Variants in MTM1 observed in about 807,000 individuals in gnomAD.
The protein encoded by MTM1 is myotubularin 1.
A neutral mutation model predicts 52.1 loss-of-function variants in MTM1; 9 were observed. That is an observed-to-expected ratio of 0.17 (90% CI 0.10 to 0.30). MTM1 has a LOEUF of 0.30. Among genes scored for constraint, MTM1 ranks in the 10% least tolerant of loss-of-function variants. The probability of loss-of-function intolerance (pLI) is 1.00; values close to 1 mark genes in which losing one functional copy is unlikely to be tolerated. For synonymous variants in MTM1, 136 were observed against 163.8 expected, an observed-to-expected ratio of 0.83 and a Z score of 1.29; for missense variants, 277 against 470.7, an observed-to-expected ratio of 0.59 and a Z score of 3.81.
At chrX:150,655,186 G>A (rs909636299) in intron 10 of MTM1, among the ~76,000 whole-genome samples, 1 of 109,248 alleles carries the variant, frequency 9.2e-6, no homozygotes, top group East Asian at 2.9e-4. Flanking sequence ...TTAGCTGGGC[G>A]TGGTGGCGGG....
At chrX:150,668,742 C>G (rs782600387) in intron 14 of MTM1, among the ~76,000 whole-genome samples, 2 of 110,636 alleles carry the variant, frequency 1.8e-5, no homozygotes, top group Non-Finnish European at 3.8e-5. Flanking sequence ...AAACGTAATA[C>G]TAAACCGCAG....
At chrX:150,662,600 A>G (rs1476952884) in intron 13 of MTM1, among the ~76,000 whole-genome samples, 2 of 112,263 alleles carry the variant, frequency 1.8e-5, no homozygotes, top group Non-Finnish European at 3.8e-5. Flanking sequence ...CTGCAATTAC[A>G]GGCGTGAGCC....
Position 150,671,492 on chromosome X carries a change from G to A in MTM1, c.1709G>A (p.Arg570Gln), listed in dbSNP as rs782469735. Residue 570 changes from arginine to glutamine, a missense_variant, in exon 15 of 15, where the codon CGG (arginine) becomes CAG (glutamine). Coordinates refer to ENST00000370396, the MANE Select transcript of MTM1 (RefSeq NM_000252.3). ...GCCTTACGCGACGAATACATAAAGCGGCTTGAGGAACTGCAGCTCGCCAAC... is the reference window on the plus strand; with the variant it reads ...GCCTTACGCGACGAATACATAAAGCAGCTTGAGGAACTGCAGCTCGCCAAC... Reference protein sequence around the residue: ...LLALRDEYIKRLEELQLANSA... With the variant: ...LLALRDEYIKQLEELQLANSA... The A allele has an allele frequency of 9.9e-6, 12 of 1,208,746 alleles. No individual in the cohort carries two copies. Among genetic ancestry groups the A allele is most frequent in the Middle Eastern group, 2.3e-4 (1 of 4,376 alleles).
At chrX:150,632,519 A>C (rs2039687767) in intron 6 of MTM1, among the ~76,000 whole-genome samples, 1 of 111,530 alleles carries the variant, frequency 9.0e-6, no homozygotes, top group Non-Finnish European at 1.9e-5. Flanking sequence ...GGCATGATTA[A>C]ATTTCCATTT....
At position 150,649,891 on chromosome X, in the gene MTM1, A is replaced by G. The variant is rs965242993; in HGVS notation, c.1043A>G (p.Glu348Gly). The change falls in exon 10 of 15, where the codon GAA becomes GGA. Residue 348 changes from glutamate (E) to glycine (G), a missense_variant. Physicochemically the swap from Glu to Gly is moderately conservative, Grantham distance 98. Transcript: ENST00000370396. ...LSSLESTHWLEHIKLVLTGAI... is the reference protein window; with the variant it reads ...LSSLESTHWLGHIKLVLTGAI... ...AGTTTGGAGTCTACTCATTGGTTAG[A>G]ACATATCAAGGCAAGTATATTTTGT... The G allele has an allele frequency of 3.3e-6, 4 of 1,203,245 alleles. No individual in the cohort carries two copies. The highest frequency in any genetic ancestry group is 4.5e-6 in the Non-Finnish European group (4 of 889,666).
intron 6 of MTM1, among the ~76,000 whole-genome samples, chrX:150,631,642 G>A (rs1202732969): frequency 5.5e-5 from 4 of 72,662 alleles, no homozygotes; most frequent in East Asian, 1.0e-3. Context: ...CAGCCGGGGC[G>A]ACAGAATGAG....
Position 150,570,281 on chromosome X carries a change from G to C in MTM1, c.-11+1619G>C, listed in dbSNP as rs782783077. The stretch of plus-strand genomic sequence containing the variant: ...TTTCTGGCAGAGATGAGCGCTATGA[G>C]AAAAAATAGAGCTCTGAAACCTTAC... On this transcript the variant is annotated intron_variant, in intron 1 of 14. Transcript: ENST00000370396. 2.7e-5 allele frequency among the ~76,000 whole-genome samples: 3 copies of C among 111,396 alleles called. No homozygotes were observed. The East Asian group carries it at 8.4e-4, about 31-fold the overall frequency.
intron 1 of MTM1, among the ~76,000 whole-genome samples, chrX:150,583,372 ATATT>A (rs2038650835): frequency 4.7e-5 from 1 of 21,504 alleles, no homozygotes; most frequent in South Asian, 4.4e-3. Flanking sequence ...TAAATTATAT[ATATT>A]ATATATAATA....
intron 1 of MTM1, among the ~76,000 whole-genome samples, chrX:150,582,041 A>G (rs911606982): frequency 8.9e-5 from 10 of 111,733 alleles, no homozygotes; most frequent in African/African-American, 3.3e-4. Flanking sequence ...CATATTAATT[A>G]TCTTTATTGT....
chrX:150,590,137 A>G (rs914369509), intron 1 of MTM1, among the ~76,000 whole-genome samples: 2 of 111,928 alleles, frequency 1.8e-5, no homozygotes, highest in African/African-American at 6.5e-5. Context: ...ATTTGTGCAC[A>G]CCAGCATGAT....
At chrX:150,640,140 C>T (rs1197809102) in intron 7 of MTM1, among the ~76,000 whole-genome samples, 1 of 111,668 alleles carries the variant, frequency 9.0e-6, no homozygotes, top group African/African-American at 3.3e-5. Context: ...GAAGAAGGAC[C>T]ATGAAAACAT....
At chrX:150,585,881 G>A (rs2038778463) in intron 1 of MTM1, among the ~76,000 whole-genome samples, 1 of 111,666 alleles carries the variant, frequency 9.0e-6, no homozygotes, top group Admixed American at 9.5e-5. Flanking sequence ...CCTGTTCCAT[G>A]GCCACAGCTC....
chrX:150,642,988 T>G (rs1476087470), intron 8 of MTM1, among the ~76,000 whole-genome samples: 1 of 111,904 alleles, frequency 8.9e-6, no homozygotes. Context: ...TATTTATTTT[T>G]TCTAAAATGG....
At chrX:150,624,262 T>G (rs1332188138) in intron 6 of MTM1, among the ~76,000 whole-genome samples, 1 of 112,471 alleles carries the variant, frequency 8.9e-6, no homozygotes, top group Admixed American at 9.4e-5. Context: ...ATTTATTTTC[T>G]TTTTAAAAAT....
At chrX:150,589,025 G>A (rs1250240388) in intron 1 of MTM1, among the ~76,000 whole-genome samples, 1 of 112,016 alleles carries the variant, frequency 8.9e-6, no homozygotes, top group Admixed American at 9.5e-5. Flanking sequence ...TACAGGTGCT[G>A]TAAATAAATA....
Position 150,663,474 on chromosome X carries a change from C to T in MTM1, c.1509C>T (p.Asn503=), listed in dbSNP as rs1603208456. ...ERTVSLWSLI[N]SNKEKFKNPF... ...CTGTTTCTTTATGGTCACTGATAAACAGTAATAAAGAAAAATTCAAAAACC... is the reference window on the plus strand; with the variant it reads ...CTGTTTCTTTATGGTCACTGATAAATAGTAATAAAGAAAAATTCAAAAACC... The change falls in exon 14 of 15, where the codon AAC becomes AAT. Residue 503 remains asparagine, a synonymous_variant. Transcript: ENST00000370396. The T allele has an allele frequency of 8.3e-7, 1 of 1,209,722 alleles. No homozygotes were observed.
intron 9 of MTM1, among the ~76,000 whole-genome samples, chrX:150,647,515 T>G (rs1333912239): frequency 9.0e-6 from 1 of 111,631 alleles, no homozygotes; most frequent in Non-Finnish European, 1.9e-5. Flanking sequence ...GCTGTGTCTC[T>G]CCGCTAGTCG....
At chrX:150,666,817 C>T (rs2040311232) in intron 14 of MTM1, among the ~76,000 whole-genome samples, 1 of 111,565 alleles carries the variant, frequency 9.0e-6, no homozygotes, top group Admixed American at 9.5e-5. Flanking sequence ...CCAGCCTAGT[C>T]GCCCTGGTCA....
At chrX:150,663,411 T>TTC in intron 13 of MTM1, 22 bp from the exon 14 acceptor site, 1 of 1,209,156 alleles carries the variant, frequency 8.3e-7, no homozygotes. Context: ...GCTCTCCACT[T>TTC]TCTCTCTCTG....
Sources: allele counts gnomAD v4.1 joint callset (sites outside exome capture counted in the v4.1 genomes callset), GRCh38; gene constraint gnomAD v4.1.1; transcripts MANE v1.5; gene names NCBI Gene and HGNC (gene_info 2026-07-23, HGNC 2026-07-21).